Variants in TRIP12 observed in about 807,000 individuals in gnomAD.
TRIP12 encodes E3 ubiquitin-protein ligase TRIP12.
TRIP12 carries 25 observed loss-of-function variants against 244.2 expected under a neutral mutation model. That is an observed-to-expected ratio of 0.10 (90% CI 0.07 to 0.14). The LOEUF is 0.14. Among genes scored for constraint, TRIP12 ranks in the 10% least tolerant of loss-of-function variants. The pLI, the probability that TRIP12 is intolerant of heterozygous loss-of-function variation, is 1.00. For synonymous variants in TRIP12, 905 were observed against 873.1 expected, an observed-to-expected ratio of 1.04 and a Z score of -0.64; for missense variants, 1,677 against 2,486.4, an observed-to-expected ratio of 0.67 and a Z score of 6.92.
chr2:229,770,968 T>C (rs2034086210), intron 39 of TRIP12, among the ~76,000 whole-genome samples: 1 of 152,228 alleles, frequency 6.6e-6, no homozygotes, highest in Admixed American at 6.5e-5. Context: ...GTCTCGGTTA[T>C]GTCTTTATCA....
At chr2:229,887,285 A>G (rs1279978149) in intron 1 of TRIP12, among the ~76,000 whole-genome samples, 1 of 152,246 alleles carries the variant, frequency 6.6e-6, no homozygotes, top group Admixed American at 6.5e-5. Flanking sequence ...AAAGGTGGCT[A>G]ACTTTGCCTT....
intron 2 of TRIP12, among the ~76,000 whole-genome samples, chr2:229,865,571 C>G (rs2061393420): frequency 6.6e-6 from 1 of 151,304 alleles, no homozygotes; most frequent in South Asian, 2.1e-4. Flanking sequence ...CATATATTAC[C>G]AAATATAAAT....
At chr2:229,783,329 A>C (rs2038904397) in intron 34 of TRIP12, among the ~76,000 whole-genome samples, 1 of 152,242 alleles carries the variant, frequency 6.6e-6, no homozygotes, top group African/African-American at 2.4e-5. Flanking sequence ...GTTGTGATGG[A>C]GACCATGTGA....
chr2:229,893,757 C>T (rs1045897616), intron 1 of TRIP12, among the ~76,000 whole-genome samples: 1 of 152,144 alleles, frequency 6.6e-6, no homozygotes, highest in African/African-American at 2.4e-5. Flanking sequence ...TTCTACAAGT[C>T]TTTCCATGGA....
intron 34 of TRIP12, among the ~76,000 whole-genome samples, chr2:229,783,844 C>T (rs1260962191): frequency 6.7e-6 from 1 of 149,696 alleles, no homozygotes; most frequent in African/African-American, 2.5e-5. Context: ...GGCACGGTGG[C>T]TCATGCCTGT....
Position 229,818,526 on chromosome 2 carries a change from A to C in TRIP12, c.1451-14T>G, listed in dbSNP as rs1215006143. 6.2e-7 allele frequency: 1 copy of C among 1,608,764 alleles called. No homozygotes were observed. The highest frequency in any genetic ancestry group is 8.5e-7 in the Non-Finnish European group (1 of 1,177,706). ...GGGCCTTAGAACCTTTAGAGAAAAA[A>C]ATAATTATTATCTTTAAACATTTAA... On this transcript the variant is annotated splice_polypyrimidine_tract_variant and intron_variant, in intron 8 of 41. Coordinates refer to ENST00000675903, the MANE Select transcript of TRIP12 (RefSeq NM_001348323.3).
At chr2:229,839,005 C>A (rs556396705) in intron 5 of TRIP12, among the ~76,000 whole-genome samples, 2 of 152,260 alleles carry the variant, frequency 1.3e-5, no homozygotes, top group African/African-American at 4.8e-5. Context: ...TAAAATCATT[C>A]CCCCCTGCAT....
intron 1 of TRIP12, among the ~76,000 whole-genome samples, chr2:229,911,312 T>C (rs565499669): frequency 6.6e-6 from 1 of 152,340 alleles, no homozygotes; most frequent in South Asian, 2.1e-4. Context: ...TAGGAAAGTC[T>C]GTAAGAACAC....
rs2041953515 is a variant in TRIP12 at position 229,793,134 on chromosome 2, T to C, written c.3980A>G (p.Asn1327Ser). Reference protein sequence around the residue: ...GNGTGGSFSLNRGSQALKFFN... With the variant: ...GNGTGGSFSLSRGSQALKFFN... ...AAATTTTAAAGCCTGTGATCCTCTGTTGAGAGAAAAGCTCAAGATAATTTG... is the reference window on the plus strand; with the variant it reads ...AAATTTTAAAGCCTGTGATCCTCTGCTGAGAGAAAAGCTCAAGATAATTTG... The change falls in exon 27 of 42, where the codon AAC (asparagine) becomes AGC (serine). Residue 1327 changes from asparagine (N) to serine (S), a missense_variant. By Grantham distance (46) the Asn-to-Ser change is conservative (BLOSUM62 1). Around this residue, in one of 11 missense-constraint regions of TRIP12, gnomAD observed 265 missense variants for 370.8 expected, o/e 0.71. Coordinates refer to ENST00000675903, the MANE Select transcript of TRIP12 (RefSeq NM_001348323.3). 1 of 1,611,552 alleles carries C rather than the reference T, an allele frequency of 6.2e-7. No individual in the cohort carries two copies. Among genetic ancestry groups the C allele is most frequent in the Non-Finnish European group, 8.5e-7 (1 of 1,179,200 alleles).
chr2:229,790,981 G>A, intron 30 of TRIP12, 143 bp downstream of exon 30: 3 of 1,044,552 alleles, frequency 2.9e-6, no homozygotes, highest in Non-Finnish European at 4.1e-6. Flanking sequence ...AGGATTAAAT[G>A]TGATCAAACT....
intron 8 of TRIP12, among the ~76,000 whole-genome samples, chr2:229,822,953 G>A (rs1284779721): frequency 2.0e-5 from 3 of 152,136 alleles, no homozygotes; most frequent in African/African-American, 7.2e-5. Flanking sequence ...AAAGATTGAA[G>A]ACAGCAGAAA....
chr2:229,919,646 G>C (rs1293488352), intron 1 of TRIP12, among the ~76,000 whole-genome samples: 1 of 151,612 alleles, frequency 6.6e-6, no homozygotes, highest in Non-Finnish European at 1.5e-5. Flanking sequence ...CCTGTTCATA[G>C]ACTCAAACTA....
chr2:229,789,472 G>T, intron 31 of TRIP12, 139 bp downstream of exon 31: 1 of 912,258 alleles, frequency 1.1e-6, no homozygotes, highest in Non-Finnish European at 1.5e-6. Context: ...TGGGGGAGAA[G>T]TTTCCACTGA....
intron 25 of TRIP12, among the ~76,000 whole-genome samples, chr2:229,796,267 C>T (rs2042791235): frequency 6.6e-6 from 1 of 152,226 alleles, no homozygotes; most frequent in South Asian, 2.1e-4. Flanking sequence ...CTAATACAAA[C>T]TTCAATACAT....
At chr2:229,800,880 A>G (rs2044121110) in intron 21 of TRIP12, among the ~76,000 whole-genome samples, 1 of 152,174 alleles carries the variant, frequency 6.6e-6, no homozygotes, top group Admixed American at 6.6e-5. Context: ...CCTGAGAAAC[A>G]GAGCAAGACC....
chr2:229,875,086 G>T (rs1343304908), intron 2 of TRIP12, among the ~76,000 whole-genome samples: 1 of 151,994 alleles, frequency 6.6e-6, no homozygotes, highest in Admixed American at 6.6e-5. Flanking sequence ...AAGAAAAAGA[G>T]AACAGAAAAG....
At position 229,795,309 on chromosome 2, in the gene TRIP12, C is replaced by T. The variant is rs758928514; in HGVS notation, c.3838G>A (p.Gly1280Arg). ...GCATTACCCACTGGTTCCACTCTTCCAATGGGCTCTTCTCCAGGAAGCTAA... is the reference window on the plus strand; with the variant it reads ...GCATTACCCACTGGTTCCACTCTTCTAATGGGCTCTTCTCCAGGAAGCTAA... ...SSPLPGEEPI[G>R]RVEPVGNAPL... Residue 1280 changes from glycine to arginine, a missense_variant, in exon 26 of 42, where the codon GGA becomes AGA. Around this residue, in one of 11 missense-constraint regions of TRIP12, gnomAD observed 77 missense variants for 69.2 expected, o/e 1.11. Transcript: ENST00000675903. 3.1e-6 allele frequency: 5 copies of T among 1,613,556 alleles called. No individual in the cohort carries two copies. Among genetic ancestry groups the T allele is most frequent in the African/African-American group, 2.7e-5 (2 of 75,002 alleles).
chr2:229,900,318 C>G (rs937476592), intron 1 of TRIP12, among the ~76,000 whole-genome samples: 1 of 152,174 alleles, frequency 6.6e-6, no homozygotes, highest in Non-Finnish European at 1.5e-5. Flanking sequence ...TCCTATCTAA[C>G]CTGCTTGAAG....
At chr2:229,867,803 G>A (rs1466714582) in intron 2 of TRIP12, among the ~76,000 whole-genome samples, 1 of 152,184 alleles carries the variant, frequency 6.6e-6, no homozygotes, top group African/African-American at 2.4e-5. Flanking sequence ...GTATGCTTAT[G>A]ATGTGACTTT....
Sources: allele counts gnomAD v4.1 joint callset (sites outside exome capture counted in the v4.1 genomes callset), GRCh38; gene constraint gnomAD v4.1.1; regional missense constraint gnomAD v4.1.1; transcripts MANE v1.5; gene names NCBI Gene and HGNC (gene_info 2026-07-23, HGNC 2026-07-21).